UNC79: variants seen among roughly 807,000 people sequenced by gnomAD.
The protein encoded by UNC79 is protein unc-79 homolog.
In UNC79, 37 loss-of-function variants were observed where a neutral mutation model predicts 283.1. The ratio of observed to expected loss-of-function variants is 0.13; its 90% CI spans 0.10 to 0.17. The LOEUF (loss-of-function observed/expected upper bound fraction) is 0.17, where lower values mean the gene tolerates loss of function less well. Ranked by LOEUF, UNC79 falls within the 10% of genes least tolerant of loss-of-function variation. The pLI, the probability that UNC79 is intolerant of heterozygous loss-of-function variation, is 1.00. For synonymous variants in UNC79, 1,107 were observed against 1,200.2 expected, an observed-to-expected ratio of 0.92 and a Z score of 1.61; for missense variants, 2,272 against 3,211.1, an observed-to-expected ratio of 0.71 and a Z score of 7.07.
In UNC79 at chr14:93,537,911, A is replaced by C. The variant is rs541769443; in HGVS notation, c.1123-78A>C. 27 of 1,430,408 alleles carry C rather than the reference A, an allele frequency of 1.9e-5. No homozygotes were observed. In the African/African-American group the frequency reaches 3.8e-4, roughly 20 times the overall value. 88.6% of individuals were successfully genotyped at this position (1,430,408 alleles called of 1,614,324 possible). The stretch of plus-strand genomic sequence containing the variant: ...TGTTGTCACTTCGAGTGGCCCCTTA[A>C]GTTTTCATTTATTCTGATTCTTAGC... On this transcript the variant is annotated intron_variant, in intron 11 of 48. Transcript: ENST00000555664.
chr14:93,572,039 C>G (rs1442861222), exon 15 of UNC79: 1 of 1,614,046 alleles, frequency 6.2e-7, no homozygotes, highest in African/African-American at 1.3e-5. Context: ...GCCATCAGAA[C>G]AGAAGTCCCA....
chr14:93,345,275 T>C (rs1222787462), intron 1 of UNC79, among the ~76,000 whole-genome samples: 1 of 152,196 alleles, frequency 6.6e-6, no homozygotes, highest in Non-Finnish European at 1.5e-5. Context: ...ATCCAGTCTG[T>C]TGTATTGTAA....
In UNC79 at chr14:93,622,400, G is replaced by C. The variant is rs747693521; in HGVS notation, c.5167G>C (p.Ala1723Pro). ...CATCACTCTGGAAGACCCTATGGAC[G>C]CCGAAGGATCCTCAAAGCCAGAGGA... Residue 1723 changes from alanine (A) to proline (P), a missense_variant, in exon 30 of 49, where the codon GCC becomes CCC. This residue lies in a region of UNC79 where 580 missense variants were observed against 632.2 expected (regional missense o/e 0.92). Coordinates refer to ENST00000555664, the Ensembl canonical transcript of UNC79. 6 of 1,614,008 alleles carry C rather than the reference G, an allele frequency of 3.7e-6. No homozygotes were observed. In the African/African-American group the frequency reaches 6.7e-5, roughly 18 times the overall value.
At chr14:93,505,695 A>G (rs1289204089) in intron 7 of UNC79, among the ~76,000 whole-genome samples, 4 of 148,960 alleles carry the variant, frequency 2.7e-5, no homozygotes, top group East Asian at 2.0e-4. Flanking sequence ...ATTGTGATCT[A>G]TTTTTCCTGC....
chr14:93,407,991 AC>A (rs1013832472), intron 1 of UNC79, among the ~76,000 whole-genome samples: 1 of 152,136 alleles, frequency 6.6e-6, no homozygotes, highest in Non-Finnish European at 1.5e-5. Context: ...TAAACACAAA[AC>A]TGCACAATAA....
intron 1 of UNC79, among the ~76,000 whole-genome samples, chr14:93,337,389 G>A (rs1057476174): frequency 8.5e-5 from 13 of 152,340 alleles, no homozygotes; most frequent in East Asian, 3.9e-4. Context: ...GGGAACCTTC[G>A]AGTGGCAGGA....
chr14:93,582,147 C>T (rs202063665), intron 19 of UNC79, 56 bp from the exon 20 acceptor site: 792 of 1,612,858 alleles, frequency 4.9e-4, no homozygotes, highest in Non-Finnish European at 6.3e-4. Context: ...CTGAGCAAAC[C>T]GTTCCTGACA....
At position 93,621,496 on chromosome 14, in the gene UNC79, C is replaced by T; in HGVS notation, c.4388-125C>T. On this transcript the variant is annotated intron_variant, in intron 29 of 48. Coordinates refer to ENST00000555664, the Ensembl canonical transcript of UNC79. The surrounding 1 kb of genome is among the most constrained non-coding windows in gnomAD (Gnocchi z 4.8). ...CTTACAAAAACTTGGCCAGAAAGTT[C>T]GTTTTCCCTCCTGGTGGAGCTGGGA... is the stretch of plus-strand genomic sequence containing the variant. The T allele has an allele frequency of 4.1e-6, 5 of 1,225,890 alleles. No homozygotes were observed. The highest frequency in any genetic ancestry group is 5.4e-6 in the Non-Finnish European group (5 of 928,064). 75.9% of individuals were successfully genotyped at this position (1,225,890 alleles called of 1,614,324 possible).
intron 14 of UNC79, among the ~76,000 whole-genome samples, chr14:93,551,455 C>G (rs956733854): frequency 6.6e-6 from 1 of 152,086 alleles, no homozygotes; most frequent in Non-Finnish European, 1.5e-5. Context: ...GTCAGCAAAG[C>G]TGGTTGTGAT....
intron 1 of UNC79, among the ~76,000 whole-genome samples, chr14:93,391,261 CAAAG>C (rs1332095120): frequency 6.0e-5 from 9 of 150,462 alleles, no homozygotes; most frequent in African/African-American, 1.5e-4. Context: ...TAAAAAGAAA[CAAAG>C]AAAGAAAAGG....
intron 1 of UNC79, among the ~76,000 whole-genome samples, chr14:93,402,621 CAG>C (rs1460932457): frequency 6.6e-6 from 1 of 151,966 alleles, no homozygotes; most frequent in African/African-American, 2.4e-5. Flanking sequence ...GGAATTCACT[CAG>C]AATGTGTCAT....
chr14:93,467,655 T>TTATA lies in UNC79; in HGVS notation c.23-15_23-14insATAT. The TTATA allele has an allele frequency of 8.6e-7, 1 of 1,157,452 alleles. No homozygotes were observed. Among genetic ancestry groups the TTATA allele is most frequent in the Non-Finnish European group, 1.1e-6 (1 of 943,396 alleles). 71.7% of individuals were successfully genotyped at this position (1,157,452 alleles called of 1,614,324 possible). On this transcript the variant is annotated splice_polypyrimidine_tract_variant and intron_variant, in intron 1 of 48. Transcript: ENST00000555664. Reference sequence around the variant, plus strand: ...TTTTTTTTTTTTTTTTTTTTTTTTTTTTTGCTTTTATCTAGTTGCTTCCAA... The same window carrying TTATA: ...TTTTTTTTTTTTTTTTTTTTTTTTTTTATATTTGCTTTTATCTAGTTGCTTCCAA...
At chr14:93,347,119 GA>G in intron 1 of UNC79, 1 of 798,610 alleles carries the variant, frequency 1.3e-6, no homozygotes, top group South Asian at 2.0e-5. Context: ...GTGCTGGGCA[GA>G]AGGGGTGGGG....
chr14:93,487,684 G>T, exon 5 of UNC79: 2 of 1,613,936 alleles, frequency 1.2e-6, no homozygotes, highest in Non-Finnish European at 1.7e-6. Context: ...AGGAGAGAAG[G>T]TGTACCTGCC....
intron 1 of UNC79, among the ~76,000 whole-genome samples, chr14:93,378,876 A>G (rs2054611757): frequency 6.6e-6 from 1 of 152,230 alleles, no homozygotes; most frequent in Non-Finnish European, 1.5e-5. Flanking sequence ...GAAAAAGCGA[A>G]AACTTAGATA....
At chr14:93,539,618 C>T (rs920734554) in intron 12 of UNC79, among the ~76,000 whole-genome samples, 4 of 152,096 alleles carry the variant, frequency 2.6e-5, no homozygotes, top group South Asian at 2.1e-4. Context: ...GTGGCTGACA[C>T]GTAGTAGAAA....
intron 22 of UNC79, among the ~76,000 whole-genome samples, chr14:93,589,668 G>C (rs148859412): frequency 5.9e-5 from 9 of 152,272 alleles, no homozygotes; most frequent in Admixed American, 2.6e-4. Flanking sequence ...TCAAAAGAAA[G>C]AGGCTGCTAA....
chr14:93,618,486 TC>T, intron 29 of UNC79, 132 bp downstream of exon 30: 1 of 1,068,968 alleles, frequency 9.4e-7, no homozygotes, highest in Non-Finnish European at 1.2e-6. Flanking sequence ...TTCTTAATTT[TC>T]CAACTTTCCA....
chr14:93,339,541 G>A (rs1373901454), intron 1 of UNC79, among the ~76,000 whole-genome samples: 2 of 152,036 alleles, frequency 1.3e-5, no homozygotes, highest in African/African-American at 2.4e-5. Context: ...CCTCGTGATC[G>A]ACCCGCCTCA....
Sources: gnomAD v4.1 joint callset for allele counts (sites outside exome capture counted in the v4.1 genomes callset) on GRCh38, gnomAD v4.1.1 for gene constraint, gnomAD v4.1.1 regional missense constraint, Gnocchi (gnomAD v3.1) non-coding constraint, MANE v1.5 for transcripts, NCBI Gene and HGNC (gene_info 2026-07-23, HGNC 2026-07-21) for gene names.